DOCK3: variants seen among roughly 807,000 people sequenced by gnomAD.
The protein encoded by DOCK3 is dedicator of cytokinesis protein 3.
Under a neutral mutation model 265.6 loss-of-function variants are expected in DOCK3, and 60 were observed. The observed-to-expected ratio is 0.23, with a 90% CI of 0.18 to 0.28. The LOEUF is 0.28. Among genes scored for constraint, DOCK3 ranks in the 10% least tolerant of loss-of-function variants. The pLI is 1.00. For synonymous variants in DOCK3, 881 were observed against 938.0 expected, an observed-to-expected ratio of 0.94 and a Z score of 1.11; for missense variants, 1,981 against 2,594.3, an observed-to-expected ratio of 0.76 and a Z score of 5.14.
intron 4 of DOCK3, among the ~76,000 whole-genome samples, chr3:50,910,273 T>C (rs1336942068): frequency 6.6e-6 from 1 of 152,070 alleles, no homozygotes; most frequent in Non-Finnish European, 1.5e-5. Context: ...TGGAGAGGTA[T>C]TGCAGTCATT....
At chr3:50,950,675 C>T (rs1054110013) in intron 5 of DOCK3, among the ~76,000 whole-genome samples, 2 of 152,062 alleles carry the variant, frequency 1.3e-5, no homozygotes, top group South Asian at 4.1e-4. Flanking sequence ...TTCCAGCCTT[C>T]CAGGGTTTGA....
Position 51,374,346 on chromosome 3 carries a change from G to A in DOCK3, c.5294-123G>A, listed in dbSNP as rs2087920424. ...GCTTCATTCCTCCTGTGCTTGCTGA[G>A]TTCATCCTCACCCTAACTGTAAGGG... On this transcript the variant is annotated intron_variant, in intron 49 of 52. Coordinates refer to ENST00000266037, the MANE Select transcript of DOCK3 (RefSeq NM_004947.5). This position sits in a 1 kb window ranked among gnomAD's most constrained non-coding sequence, Gnocchi z 4.8. 2 of 848,466 alleles carry A rather than the reference G, an allele frequency of 2.4e-6. No homozygotes were observed. Among genetic ancestry groups the A allele is most frequent in the Admixed American group, 4.2e-5 (2 of 47,174 alleles). 52.6% of individuals were successfully genotyped at this position (848,466 alleles called of 1,614,324 possible). A position where few individuals can be genotyped will look rare whatever the true frequency, so the allele number is the denominator to read the frequency against.
intron 1 of DOCK3, among the ~76,000 whole-genome samples, chr3:50,704,986 T>C (rs1332440893): frequency 2.0e-5 from 3 of 152,000 alleles, no homozygotes; most frequent in African/African-American, 7.2e-5. Context: ...TCACTGATAG[T>C]TGAGGACTTA....
At chr3:51,052,525 A>G (rs935153593) in intron 5 of DOCK3, among the ~76,000 whole-genome samples, 1 of 152,184 alleles carries the variant, frequency 6.6e-6, no homozygotes, top group Non-Finnish European at 1.5e-5. Context: ...AATGGACTAG[A>G]GTAGACTAGA....
At chr3:51,089,814 A>G (rs945494871) in intron 8 of DOCK3, among the ~76,000 whole-genome samples, 1 of 144,908 alleles carries the variant, frequency 6.9e-6, no homozygotes, top group Non-Finnish European at 1.5e-5. Context: ...AGGGAGGAGA[A>G]TTGCTTGAAC....
chr3:51,070,324 A>G (rs2081806521), intron 6 of DOCK3, among the ~76,000 whole-genome samples: 1 of 152,222 alleles, frequency 6.6e-6, no homozygotes, highest in African/African-American at 2.4e-5. Flanking sequence ...ATTATTACTT[A>G]TTATAACTTT....
intron 1 of DOCK3, among the ~76,000 whole-genome samples, chr3:50,748,395 C>T (rs1008157637): frequency 9.2e-5 from 14 of 152,100 alleles, no homozygotes; most frequent in Non-Finnish European, 1.8e-4. Context: ...TATAAGTAAA[C>T]ACTGGGTGGG....
At position 50,689,543 on chromosome 3, in the gene DOCK3, A is replaced by G. The variant is rs149490411; in HGVS notation, c.37+14243A>G. 6.1e-3 allele frequency among the ~76,000 whole-genome samples: 927 copies of G among 152,264 alleles called. 26 individuals are homozygous for G. The highest frequency in any genetic ancestry group is 0.044 in the East Asian group (226 of 5,180). On this transcript the variant is annotated intron_variant, in intron 1 of 52. Coordinates refer to ENST00000266037, the MANE Select transcript of DOCK3 (RefSeq NM_004947.5). Reference sequence around the variant, plus strand: ...GGGTAACCAGTCCCATGATTCAATTACCTCCCACCAGGTCCCTCCCACGAC... The same window carrying G: ...GGGTAACCAGTCCCATGATTCAATTGCCTCCCACCAGGTCCCTCCCACGAC...
At chr3:50,947,394 T>C (rs181814187) in intron 5 of DOCK3, among the ~76,000 whole-genome samples, 181 of 152,154 alleles carry the variant, frequency 1.2e-3, no homozygotes, top group Non-Finnish European at 2.2e-3. Context: ...GACTAGATTT[T>C]CAGTGTGAAG....
intron 9 of DOCK3, among the ~76,000 whole-genome samples, chr3:51,128,292 TA>T (rs2106886429): frequency 6.6e-6 from 1 of 152,298 alleles, no homozygotes; most frequent in South Asian, 2.1e-4. Flanking sequence ...AACTGTACCA[TA>T]CATTGGATTT....
chr3:50,903,321 T>C (rs1475540815), intron 4 of DOCK3, among the ~76,000 whole-genome samples: 1 of 152,224 alleles, frequency 6.6e-6, no homozygotes, highest in African/African-American at 2.4e-5. Flanking sequence ...GTGGCTCTTA[T>C]TATTTTGAGT....
chr3:51,185,174 C>A (rs1576346917), intron 12 of DOCK3, among the ~76,000 whole-genome samples: 2 of 152,076 alleles, frequency 1.3e-5, no homozygotes, highest in African/African-American at 4.8e-5. Flanking sequence ...CTAAGAAAAT[C>A]TGAAAAATTT....
intron 5 of DOCK3, among the ~76,000 whole-genome samples, chr3:50,939,148 A>AT (rs2051557619): frequency 6.6e-6 from 1 of 152,108 alleles, no homozygotes; most frequent in South Asian, 2.1e-4. Context: ...TACTGTAAAC[A>AT]ACTTTACATA....
intron 2 of DOCK3, among the ~76,000 whole-genome samples, chr3:50,837,201 A>C (rs2045561615): frequency 1.3e-5 from 2 of 152,142 alleles, no homozygotes; most frequent in Non-Finnish European, 2.9e-5. Context: ...TCCAGTTCCA[A>C]AGTTGCTTCC....
intron 4 of DOCK3, among the ~76,000 whole-genome samples, chr3:50,916,842 G>A (rs1237799056): frequency 7.7e-5 from 9 of 117,446 alleles, no homozygotes; most frequent in Non-Finnish European, 1.4e-4. Context: ...GCGAGACTCC[G>A]TTTCAAAAAA....
At chr3:51,160,117 T>G (rs2086058486) in intron 11 of DOCK3, among the ~76,000 whole-genome samples, 1 of 152,242 alleles carries the variant, frequency 6.6e-6, no homozygotes, top group Non-Finnish European at 1.5e-5. Flanking sequence ...AGATGATGTT[T>G]GACAGCAGAA....
At chr3:51,246,831 A>C (rs770883575) in intron 22 of DOCK3, 24 bp downstream of exon 22, 4 of 1,604,642 alleles carry the variant, frequency 2.5e-6, no homozygotes, top group Non-Finnish European at 3.4e-6. Context: ...CTCTCCATAC[A>C]TAAGAGACCC....
chr3:50,732,858 A>G (rs916782401), intron 1 of DOCK3, among the ~76,000 whole-genome samples: 4 of 152,240 alleles, frequency 2.6e-5, no homozygotes, highest in African/African-American at 9.6e-5. Context: ...TTTGAAAATA[A>G]CAAAACTTTG....
chr3:50,940,893 C>T (rs2076273596), intron 5 of DOCK3, among the ~76,000 whole-genome samples: 1 of 151,944 alleles, frequency 6.6e-6, no homozygotes, highest in East Asian at 1.9e-4. Flanking sequence ...GAAAAAAAAA[C>T]CCTGCCTAAG....
Sources: allele counts gnomAD v4.1 joint callset (sites outside exome capture counted in the v4.1 genomes callset), GRCh38; gene constraint gnomAD v4.1.1; non-coding constraint Gnocchi (gnomAD v3.1); transcripts MANE v1.5; gene names NCBI Gene and HGNC (gene_info 2026-07-23, HGNC 2026-07-21).